LARP4B: variants seen among roughly 807,000 people sequenced by gnomAD.
The protein encoded by LARP4B is La ribonucleoprotein 4B, also known as la-related protein 4B.
In LARP4B, 12 loss-of-function variants were observed where a neutral mutation model predicts 89.8. That is an observed-to-expected ratio of 0.13 (90% CI 0.09 to 0.22). LARP4B has a LOEUF of 0.22. LARP4B is among the 10% of genes least tolerant of loss of function. The pLI, the probability that LARP4B is intolerant of heterozygous loss-of-function variation, is 1.00. For synonymous variants in LARP4B, 367 were observed against 363.3 expected, an observed-to-expected ratio of 1.01 and a Z score of -0.12; for missense variants, 757 against 947.7, an observed-to-expected ratio of 0.80 and a Z score of 2.64.
the LARP4B span, among the ~76,000 whole-genome samples, chr10:974,641 C>T: frequency 6.7e-4 from 102 of 152,334 alleles, no homozygotes; most frequent in African/African-American, 2.4e-3. Context: ...TGTCTCAGAA[C>T]ACAGAAATGA....
intron 8 of LARP4B, among the ~76,000 whole-genome samples, chr10:835,197 T>C (rs1465971724): frequency 6.6e-6 from 1 of 152,310 alleles, no homozygotes; most frequent in Non-Finnish European, 1.5e-5. Flanking sequence ...AGGTAAAACT[T>C]GCTAGAATAA....
intron 7 of LARP4B, among the ~76,000 whole-genome samples, chr10:837,139 A>G (rs1685382933): frequency 6.6e-6 from 1 of 152,238 alleles, no homozygotes; most frequent in Admixed American, 6.5e-5. Flanking sequence ...GAATATTATG[A>G]AAAAGTTCAC....
rs1330485555 is a variant in LARP4B at position 825,399 on chromosome 10, A to G, written c.1233-83T>C. The G allele has an allele frequency of 5.2e-6, 7 of 1,341,206 alleles. No individual in the cohort carries two copies. In the Admixed American group the frequency reaches 1.3e-4, roughly 25 times the overall value. The allele number at this position is 1,341,206 out of a possible 1,614,324, so 83.1% of individuals were successfully genotyped here. On this transcript the variant is annotated intron_variant, in intron 12 of 17. Transcript: ENST00000316157. ...CATGCATACTGACATGGAATAGCTA[A>G]GCTGAAATCTGCTCTCTGTTTAATA...
chr10:913,402 C>T (rs933616535), intron 1 of LARP4B, among the ~76,000 whole-genome samples: 12 of 152,180 alleles, frequency 7.9e-5, no homozygotes, highest in Admixed American at 3.9e-4. Flanking sequence ...AACACAAGTG[C>T]TTAAATCAAA....
the LARP4B span, among the ~76,000 whole-genome samples, chr10:959,931 C>A: frequency 6.6e-6 from 1 of 151,444 alleles, no homozygotes; most frequent in Non-Finnish European, 1.5e-5. Context: ...AATCCCACCT[C>A]CTCGTCAATC....
chr10:865,957 G>A (rs1834878258), intron 3 of LARP4B, among the ~76,000 whole-genome samples: 1 of 152,176 alleles, frequency 6.6e-6, no homozygotes, highest in South Asian at 2.1e-4. Flanking sequence ...CAGGAGAAGG[G>A]CTGGAAAGGA....
rs1158729978 is a variant in LARP4B, at chr10:864,187, A to C, written c.225T>G (p.Ala75=). The C allele has an allele frequency of 6.2e-7, 1 of 1,614,258 alleles. No homozygotes were observed. The highest frequency in any genetic ancestry group is 1.1e-5 in the South Asian group (1 of 91,088). The change falls in exon 4 of 18, where the codon GCT becomes GCG. Residue 75 remains alanine, a synonymous_variant. Transcript: ENST00000316157. ...CCCATGCAGCACTCACACCGTCAGC[A>C]GCACTGCTTGCTTCCAGATGTAACA... The part of the protein sequence containing the change: ...APVLHLEASS[A]ADGVSAAWEE...
rs74118458 is a variant in LARP4B at position 879,370 on chromosome 10, G to A, written c.141+5077C>T. Among the ~76,000 whole-genome samples the A allele has an allele frequency of 2.6e-3, 396 of 152,328 alleles. 3 individuals carry two copies. Among genetic ancestry groups the A allele is most frequent in the African/African-American group, 9.2e-3 (383 of 41,576 alleles). Reference sequence around the variant, plus strand: ...CCAAGAACCGTGCATACACTCTGGGGGTAAATGGATTGTTTTGTCACTAAA... The same window carrying A: ...CCAAGAACCGTGCATACACTCTGGGAGTAAATGGATTGTTTTGTCACTAAA... On this transcript the variant is annotated intron_variant, in intron 3 of 17. Transcript: ENST00000316157.
the LARP4B span, among the ~76,000 whole-genome samples, chr10:938,884 A>G: frequency 1.3e-5 from 2 of 152,212 alleles, no homozygotes; most frequent in Admixed American, 6.5e-5. Flanking sequence ...CCATGGTATT[A>G]TGTTTAGGAT....
chr10:949,808 C>CT, the LARP4B span, among the ~76,000 whole-genome samples: 12 of 151,838 alleles, frequency 7.9e-5, no homozygotes, highest in South Asian at 2.1e-4. Flanking sequence ...CTGGACTGCA[C>CT]TTTTTTTTTC....
intron 1 of LARP4B, among the ~76,000 whole-genome samples, chr10:895,672 C>CAAAAAAAAAA (rs1312520352): frequency 1.6e-5 from 1 of 64,136 alleles, no homozygotes; most frequent in Non-Finnish European, 3.1e-5. Context: ...GAGTCCATCT[C>CAAAAAAAAAA]AAAAAAAAAA....
rs149868016 is a variant in LARP4B, at chr10:926,691, C to T, written c.-40+4737G>A. 8.5e-5 allele frequency among the ~76,000 whole-genome samples: 13 copies of T among 152,324 alleles called. No individual in the cohort carries two copies. The East Asian group carries it at 2.5e-3, about 29-fold the overall frequency. On this transcript the variant is annotated intron_variant, in intron 1 of 17. Transcript: ENST00000316157. The stretch of plus-strand genomic sequence containing the variant: ...ACTTTCAGCAAAGATCAAGTCTCAT[C>T]TCTATGATTATCATACTCCCCCTAA...
At chr10:851,232 G>C (rs138273984) in intron 5 of LARP4B, among the ~76,000 whole-genome samples, 158 of 141,106 alleles carry the variant, frequency 1.1e-3, no homozygotes, top group African/African-American at 4.1e-3. Flanking sequence ...CCCCCATGCT[G>C]GAGTGCAATG....
intron 8 of LARP4B, among the ~76,000 whole-genome samples, chr10:835,708 G>A (rs150483353): frequency 2.1e-3 from 317 of 152,274 alleles, no homozygotes; most frequent in African/African-American, 7.2e-3. Context: ...CCCAAGTCGG[G>A]TGGATTATGA....
the LARP4B span, among the ~76,000 whole-genome samples, chr10:937,108 T>G: frequency 6.6e-6 from 1 of 152,186 alleles, no homozygotes; most frequent in Admixed American, 6.5e-5. Context: ...AGTGGCGCAA[T>G]CCCAGCTCAC....
At chr10:951,494 C>T in the LARP4B span, among the ~76,000 whole-genome samples, 6 of 151,818 alleles carry the variant, frequency 4.0e-5, no homozygotes, top group Admixed American at 2.6e-4. Flanking sequence ...TGCAATGAGC[C>T]GAGATCGCGC....
the LARP4B span, among the ~76,000 whole-genome samples, chr10:969,410 T>C: frequency 6.6e-6 from 1 of 151,852 alleles, no homozygotes; most frequent in Non-Finnish European, 1.5e-5. Context: ...AGTGGTAGGG[T>C]AGATAGAGGA....
the LARP4B span, among the ~76,000 whole-genome samples, chr10:943,846 G>T: frequency 6.6e-6 from 1 of 151,964 alleles, no homozygotes; most frequent in African/African-American, 2.4e-5. Context: ...CTTTCTTGGT[G>T]GTGTCCACGT....
chr10:929,068 C>A (rs1837228418), intron 1 of LARP4B, among the ~76,000 whole-genome samples: 1 of 152,154 alleles, frequency 6.6e-6, no homozygotes, highest in African/African-American at 2.4e-5. Context: ...GAATTTGCTG[C>A]CACTTAATTT....
Sources: gnomAD v4.1 joint callset for allele counts (sites outside exome capture counted in the v4.1 genomes callset) on GRCh38, gnomAD v4.1.1 for gene constraint, MANE v1.5 for transcripts, NCBI Gene and HGNC (gene_info 2026-07-23, HGNC 2026-07-21) for gene names.